Variants in SLC24A3 observed in about 807,000 individuals in gnomAD.
SLC24A3 encodes the protein sodium/potassium/calcium exchanger 3.
A neutral mutation model predicts 75.8 loss-of-function variants in SLC24A3; 28 were observed. The observed-to-expected ratio is 0.37, with a 90% CI of 0.27 to 0.51. SLC24A3 has a LOEUF of 0.51. Ranked by LOEUF, SLC24A3 falls within the 20% of genes least tolerant of loss-of-function variation. The pLI, the probability that SLC24A3 is intolerant of heterozygous loss-of-function variation, is 0.94. For synonymous variants in SLC24A3, 372 were observed against 334.1 expected (o/e 1.11, Z -1.24); for missense variants, 663 against 847.8 (o/e 0.78, Z 2.71).
chr20:19,519,228 C>A (rs1226962327), intron 3 of SLC24A3, among the ~76,000 whole-genome samples: 2 of 152,238 alleles, frequency 1.3e-5, no homozygotes, highest in Non-Finnish European at 2.9e-5. Context: ...AGGCTTGCAG[C>A]CTTCAGCCTC....
At chr20:19,483,689 TC>T (rs1037904427) in intron 2 of SLC24A3, among the ~76,000 whole-genome samples, 2 of 152,086 alleles carry the variant, frequency 1.3e-5, no homozygotes, top group Non-Finnish European at 2.9e-5. Flanking sequence ...CAGCTAAGGG[TC>T]CTGAGGTCTA....
At chr20:19,621,858 G>A (rs866258510) in intron 6 of SLC24A3, among the ~76,000 whole-genome samples, 1 of 152,188 alleles carries the variant, frequency 6.6e-6, no homozygotes, top group South Asian at 2.1e-4. Context: ...TAGCTGTTAT[G>A]TTTGTGAAAG....
At chr20:19,410,617 C>G (rs1019296741) in intron 2 of SLC24A3, among the ~76,000 whole-genome samples, 3 of 152,090 alleles carry the variant, frequency 2.0e-5, no homozygotes, top group Non-Finnish European at 4.4e-5. Flanking sequence ...GGGGAGGTCT[C>G]TGGATTCCAA....
chr20:19,704,526 A>G (rs896982027), intron 15 of SLC24A3, among the ~76,000 whole-genome samples: 1 of 152,230 alleles, frequency 6.6e-6, no homozygotes, highest in Non-Finnish European at 1.5e-5. Flanking sequence ...GTGGGGAAGG[A>G]TAGACAGTAC....
At position 19,648,870 on chromosome 20, in the gene SLC24A3, G is replaced by T. The variant is rs145930365; in HGVS notation, c.613-5192G>T. On this transcript the variant is annotated intron_variant, in intron 6 of 16. Transcript: ENST00000328041. ...CCATAAATAGAAAAAGAAATATCAA[G>T]ATGAAATTCCAGCTGGGTGGGATTC... Among the ~76,000 whole-genome samples the T allele has an allele frequency of 5.2e-3, 796 of 152,314 alleles. 2 individuals are homozygous for T. Among genetic ancestry groups the T allele is most frequent in the Middle Eastern group, 0.031 (9 of 294 alleles).
At chr20:19,482,460 T>C (rs1035285746) in intron 2 of SLC24A3, among the ~76,000 whole-genome samples, 1 of 152,152 alleles carries the variant, frequency 6.6e-6, no homozygotes, top group African/African-American at 2.4e-5. Flanking sequence ...CTTGCACAGG[T>C]CTTAGACTCT....
At chr20:19,392,080 A>G (rs1471791972) in intron 2 of SLC24A3, among the ~76,000 whole-genome samples, 1 of 152,198 alleles carries the variant, frequency 6.6e-6, no homozygotes, top group East Asian at 1.9e-4. Context: ...GGCACACAGT[A>G]GGTATACAAT....
At chr20:19,515,694 T>A in intron 3 of SLC24A3, 130 bp downstream of exon 3, 1 of 866,170 alleles carries the variant, frequency 1.2e-6, no homozygotes, top group Non-Finnish European at 1.8e-6. Context: ...GTGGGGGTCC[T>A]TCGAGCTCTG....
At chr20:19,330,290 G>A (rs571416925) in intron 2 of SLC24A3, among the ~76,000 whole-genome samples, 3 of 152,310 alleles carry the variant, frequency 2.0e-5, no homozygotes, top group East Asian at 1.9e-4. Flanking sequence ...CCCAGAGGAG[G>A]TGGTCAGGGA....
chr20:19,717,149 C>T (rs574603660), intron 15 of SLC24A3, among the ~76,000 whole-genome samples: 10 of 152,246 alleles, frequency 6.6e-5, no homozygotes, highest in African/African-American at 1.4e-4. Context: ...AAAAGCAGTA[C>T]GGGTTTGAGA....
intron 1 of SLC24A3, among the ~76,000 whole-genome samples, chr20:19,271,740 A>G (rs1282939723): frequency 6.6e-6 from 1 of 152,198 alleles, no homozygotes; most frequent in East Asian, 1.9e-4. Context: ...TCAGGAATGG[A>G]AAACCAAACA....
intron 2 of SLC24A3, among the ~76,000 whole-genome samples, chr20:19,454,182 G>A (rs1337028909): frequency 6.6e-6 from 1 of 152,110 alleles, no homozygotes; most frequent in Non-Finnish European, 1.5e-5. Context: ...GGAGAGGCTG[G>A]GCAGCTGGGC....
chr20:19,428,235 G>A (rs1051587355), intron 2 of SLC24A3, among the ~76,000 whole-genome samples: 2 of 152,148 alleles, frequency 1.3e-5, no homozygotes, highest in African/African-American at 4.8e-5. Context: ...TTCTACTTCT[G>A]TTACCTTCTG....
At chr20:19,579,270 C>T (rs191949490) in intron 3 of SLC24A3, among the ~76,000 whole-genome samples, 8 of 152,238 alleles carry the variant, frequency 5.3e-5, no homozygotes, top group African/African-American at 1.7e-4. Context: ...AGGAAACATG[C>T]GGTTGGATAC....
intron 3 of SLC24A3, among the ~76,000 whole-genome samples, chr20:19,534,371 T>C (rs1395042758): frequency 1.3e-5 from 2 of 151,426 alleles, no homozygotes; most frequent in Non-Finnish European, 3.0e-5. Flanking sequence ...GTGTGGAGAG[T>C]CCTGTTTGAC....
intron 3 of SLC24A3, among the ~76,000 whole-genome samples, chr20:19,569,388 G>A (rs1486443388): frequency 6.6e-6 from 1 of 152,172 alleles, no homozygotes; most frequent in Non-Finnish European, 1.5e-5. Context: ...TTAGACTTAA[G>A]GACTTGTTCA....
rs2032768093 is a variant in SLC24A3 at position 19,693,293 on chromosome 20, C to G, written c.1359C>G (p.Thr453=). 1 of 1,613,702 alleles carries G rather than the reference C, an allele frequency of 6.2e-7. No homozygotes were observed. The highest frequency in any genetic ancestry group is 8.5e-7 in the Non-Finnish European group (1 of 1,179,898). ...GKLETVKWAF[T]WPLSFVLYFT... is the part of the protein sequence containing the mutation. The stretch of plus-strand genomic sequence containing the variant: ...TGGAAACAGTGAAATGGGCGTTCAC[C>G]TGGCCGCTGAGTTTCGTCTTATACT... Residue 453 remains threonine (T), a synonymous_variant, in exon 13 of 17, where the codon ACC becomes ACG. Transcript: ENST00000328041.
In SLC24A3 at chr20:19,722,597, G is replaced by C. The variant is rs544399189; in HGVS notation, c.*1457G>C. On this transcript the variant is annotated 3_prime_UTR_variant, in exon 17 of 17. Transcript: ENST00000328041. ...TGGATTCTTGCCCGTGCTGTCCCTT[G>C]TATTTACTTTAAGCACTGATCACTT... 5 of 152,768 alleles carry C rather than the reference G, an allele frequency of 3.3e-5. No individual in the cohort carries two copies. Among genetic ancestry groups the C allele is most frequent in the South Asian group, 4.2e-4 (2 of 4,814 alleles). The allele number at this position is 152,768 out of a possible 1,614,324, so 9.5% of individuals were successfully genotyped here. A position where few individuals can be genotyped will look rare whatever the true frequency, so the allele number is the denominator to read the frequency against.
intron 6 of SLC24A3, among the ~76,000 whole-genome samples, chr20:19,621,876 C>T (rs141083344): frequency 6.6e-6 from 1 of 152,322 alleles, no homozygotes; most frequent in Non-Finnish European, 1.5e-5. Context: ...AAGATCATTA[C>T]TAGGAGGCAT....
Sources: allele counts gnomAD v4.1 joint callset (sites outside exome capture counted in the v4.1 genomes callset), GRCh38; gene constraint gnomAD v4.1.1; transcripts MANE v1.5; gene names NCBI Gene and HGNC (gene_info 2026-07-23, HGNC 2026-07-21).